The following NRG1 variants were observed in gnomAD, a reference collection of about 807,000 sequenced individuals.
NRG1 encodes the protein pro-neuregulin-1, membrane-bound isoform.
Under a neutral mutation model 63.8 loss-of-function variants are expected in NRG1, and 18 were observed. That is an observed-to-expected ratio of 0.28 (90% CI 0.19 to 0.42). The LOEUF is 0.42. Among genes scored for constraint, NRG1 ranks in the 10% least tolerant of loss-of-function variants. The pLI is 1.00. For missense variants in NRG1, 762 were observed against 814.7 expected (o/e 0.94, Z 0.79); for synonymous variants, 302 against 301.3 (o/e 1.00, Z -0.02).
intron 1 of NRG1, among the ~76,000 whole-genome samples, chr8:32,222,022 T>G (rs1427523119): frequency 1.5e-5 from 2 of 131,284 alleles, no homozygotes; most frequent in African/African-American, 5.9e-5. Flanking sequence ...AGTGTCTATA[T>G]GGAAACATAC....
intron 1 of NRG1, among the ~76,000 whole-genome samples, chr8:31,672,664 A>G (rs981126454): frequency 2.6e-4 from 40 of 152,148 alleles, no homozygotes; most frequent in African/African-American, 9.4e-4. Flanking sequence ...TTTTTGTCAT[A>G]TAACCTATAT....
chr8:32,511,367 G>GTGTATATA lies in NRG1; in HGVS notation c.38-84460_38-84459insGTATATAT, dbSNP rs1338353608. ...TGTGTCTGTCTGTCGATATATATGTGTATATATATATATATATATATATAT... is the reference window on the plus strand; with the variant it reads ...TGTGTCTGTCTGTCGATATATATGTGTGTATATATATATATATATATATATATATATAT... On this transcript the variant is annotated intron_variant, in intron 1 of 10. Transcript: ENST00000519301. 5.4e-3 allele frequency among the ~76,000 whole-genome samples: 665 copies of GTGTATATA among 122,024 alleles called. 4 individuals carry two copies. The highest frequency in any genetic ancestry group is 7.9e-3 in the Non-Finnish European group (458 of 58,286). 80.1% of individuals were successfully genotyped at this position (122,024 alleles called of 152,430 possible). A position where few individuals can be genotyped will look rare whatever the true frequency, so the allele number is the denominator to read the frequency against.
At chr8:32,598,413 G>C (rs1843737205) in intron 2 of NRG1, among the ~76,000 whole-genome samples, 1 of 152,006 alleles carries the variant, frequency 6.6e-6, no homozygotes, top group Admixed American at 6.6e-5. Flanking sequence ...TTTAGAAAAG[G>C]TACATGTATA....
chr8:32,545,914 T>C (rs1277298571), upstream of NRG1, among the ~76,000 whole-genome samples: 1 of 152,182 alleles, frequency 6.6e-6, no homozygotes, highest in Non-Finnish European at 1.5e-5. Context: ...TATTTATCAT[T>C]GCAATTTTTG....
At chr8:32,303,447 T>A (rs1476351489) in intron 1 of NRG1, among the ~76,000 whole-genome samples, 2 of 152,138 alleles carry the variant, frequency 1.3e-5, no homozygotes, top group Non-Finnish European at 2.9e-5. Flanking sequence ...GAAGCACGAC[T>A]TTTTATTTAG....
chr8:32,731,977 C>T (rs1823782033), intron 6 of NRG1, among the ~76,000 whole-genome samples: 1 of 152,190 alleles, frequency 6.6e-6, no homozygotes, highest in Non-Finnish European at 1.5e-5. Context: ...CTGCTGTTGT[C>T]TTCTTGGGAG....
At chr8:32,528,895 A>G (rs1295759564) in intron 1 of NRG1, among the ~76,000 whole-genome samples, 1 of 152,248 alleles carries the variant, frequency 6.6e-6, no homozygotes, top group East Asian at 1.9e-4. Flanking sequence ...GAATAAAAAC[A>G]TAGGAACCAA....
intron 1 of NRG1, among the ~76,000 whole-genome samples, chr8:32,084,006 T>G (rs1433067668): frequency 1.3e-5 from 2 of 152,212 alleles, no homozygotes; most frequent in Non-Finnish European, 2.9e-5. Context: ...AATTACCTTT[T>G]CTTACATCCC....
chr8:32,622,060 G>A (rs567415981), intron 5 of NRG1, among the ~76,000 whole-genome samples: 6 of 152,290 alleles, frequency 3.9e-5, no homozygotes, highest in African/African-American at 1.4e-4. Context: ...GCAGGTGAAT[G>A]AAATGGGAAG....
chr8:32,102,881 G>A (rs961136034), intron 1 of NRG1, among the ~76,000 whole-genome samples: 3 of 151,526 alleles, frequency 2.0e-5, no homozygotes, highest in Non-Finnish European at 4.4e-5. Flanking sequence ...GGCTTTCTAA[G>A]TTTTTTTTTA....
At chr8:32,297,462 G>A (rs1855029565) in intron 1 of NRG1, among the ~76,000 whole-genome samples, 1 of 151,804 alleles carries the variant, frequency 6.6e-6, no homozygotes, top group Non-Finnish European at 1.5e-5. Flanking sequence ...GAAAGTATAT[G>A]AATAGGTAGC....
intron 5 of NRG1, among the ~76,000 whole-genome samples, chr8:32,659,140 T>C (rs1232784516): frequency 8.2e-6 from 1 of 121,612 alleles, no homozygotes; most frequent in African/African-American, 3.3e-5. Flanking sequence ...TCTTTTCTTT[T>C]CTTTTCTTTT....
intron 1 of NRG1, among the ~76,000 whole-genome samples, chr8:32,058,341 C>G (rs1190929723): frequency 6.6e-6 from 1 of 152,000 alleles, no homozygotes; most frequent in Non-Finnish European, 1.5e-5. Context: ...AAATAAGGAT[C>G]TGACTTTATA....
chr8:32,254,794 G>A (rs774489920), intron 1 of NRG1, among the ~76,000 whole-genome samples: 16 of 152,158 alleles, frequency 1.1e-4, no homozygotes, highest in Non-Finnish European at 2.1e-4. Context: ...CACTATTATT[G>A]TGTGGGAGTC....
chr8:32,756,639 A>G (rs1829757447), intron 9 of NRG1, 110 bp downstream of exon 9: 16 of 1,406,526 alleles, frequency 1.1e-5, no homozygotes, highest in African/African-American at 2.9e-5. Context: ...ATTAATCACC[A>G]TGGCTTCCAG....
At position 32,309,171 on chromosome 8, in the gene NRG1, A is replaced by G. The variant is rs1856539879; in HGVS notation, c.38-286657A>G. ...TGTCTCTTCCTGCATGTAGCACACC[A>G]TAAAGATTCCTCTGGGAGGGGTACC... On this transcript the variant is annotated intron_variant, in intron 1 of 10. Transcript: ENST00000519301. Among the ~76,000 whole-genome samples, 3 of 152,170 alleles carry G rather than the reference A, an allele frequency of 2.0e-5. No homozygotes were observed. The South Asian group carries it at 6.2e-4, about 32-fold the overall frequency.
At chr8:31,681,915 T>A (rs1808379097) in intron 1 of NRG1, among the ~76,000 whole-genome samples, 3 of 152,020 alleles carry the variant, frequency 2.0e-5, no homozygotes, top group Admixed American at 2.0e-4. Context: ...AAAACACAAT[T>A]GTGTATTTGC....
intron 1 of NRG1, among the ~76,000 whole-genome samples, chr8:32,179,122 G>T (rs1411136943): frequency 6.9e-6 from 1 of 145,512 alleles, no homozygotes; most frequent in Non-Finnish European, 1.5e-5. Context: ...GCAGAGGAAT[G>T]AGCTGCTCTG....
At chr8:32,421,282 G>A (rs529102450) in intron 1 of NRG1, among the ~76,000 whole-genome samples, 16 of 152,304 alleles carry the variant, frequency 1.1e-4, no homozygotes, top group African/African-American at 3.8e-4. Flanking sequence ...TTATCAAGAA[G>A]TAGGGTAGGG....
Sources: allele counts gnomAD v4.1 joint callset (sites outside exome capture counted in the v4.1 genomes callset), GRCh38; gene constraint gnomAD v4.1.1; transcripts MANE v1.5; gene names NCBI Gene and HGNC (gene_info 2026-07-23, HGNC 2026-07-21).